The following IDE variants were observed in gnomAD, a reference collection of about 807,000 sequenced individuals.
The protein encoded by IDE is insulin degrading enzyme.
Under a neutral mutation model 133.2 loss-of-function variants are expected in IDE, and 58 were observed. The observed-to-expected ratio is 0.44, with a 90% CI of 0.35 to 0.54. The LOEUF (loss-of-function observed/expected upper bound fraction) is 0.54. Ranked by LOEUF, IDE falls within the 20% of genes least tolerant of loss-of-function variation. The pLI, the probability that IDE is intolerant of heterozygous loss-of-function variation, is 0.00. For missense variants in IDE, 981 were observed against 1,234.0 expected, an observed-to-expected ratio of 0.79 and a Z score of 3.07; for synonymous variants, 396 against 421.3, an observed-to-expected ratio of 0.94 and a Z score of 0.73.
intron 14 of IDE, among the ~76,000 whole-genome samples, chr10:92,482,813 CTT>C (rs951457439): frequency 6.8e-6 from 1 of 147,068 alleles, no homozygotes; most frequent in Non-Finnish European, 1.5e-5. Context: ...TTTTTCTTTT[CTT>C]TTTTTTTTGA....
intron 24 of IDE, 22 bp from the exon 25 acceptor site, chr10:92,454,561 T>C: frequency 1.3e-6 from 2 of 1,564,874 alleles, no homozygotes; most frequent in Non-Finnish European, 1.8e-6. Context: ...AAAGTTTCCT[T>C]TTAGTGTATT....
In IDE at chr10:92,455,596, G is replaced by T. The variant is rs188614842; in HGVS notation, c.2944C>A (p.Gln982Lys). Residue 982 changes from glutamine to lysine, a missense_variant, in exon 24 of 25, where the codon CAA becomes AAA. By Grantham distance (53) the Gln-to-Lys change is moderately conservative. Coordinates refer to ENST00000265986, the MANE Select transcript of IDE (RefSeq NM_004969.4). ...CTTACTTGTGGCAAGGCTGGTGCTT[G>T]TGACAAATTTATGTCATTTTGACAT... ...FPCQNDINLS[Q>K]APALPQPEVI... 8 of 1,598,876 alleles carry T rather than the reference G, an allele frequency of 5.0e-6. No individual in the cohort carries two copies. In the Middle Eastern group the frequency reaches 1.3e-3, roughly 268 times the overall value.
chr10:92,525,721 A>C (rs1849586057), intron 4 of IDE, among the ~76,000 whole-genome samples: 1 of 148,032 alleles, frequency 6.8e-6, no homozygotes, highest in Non-Finnish European at 1.5e-5. Flanking sequence ...CAAAATCAGT[A>C]GCATTTCTAT....
chr10:92,534,207 G>T (rs899862364), intron 3 of IDE, among the ~76,000 whole-genome samples: 3 of 152,190 alleles, frequency 2.0e-5, no homozygotes, highest in African/African-American at 7.2e-5. Context: ...TATCTACTAA[G>T]CATCCTTGAG....
rs150078715 is a variant in IDE at position 92,463,846 on chromosome 10, G to A, written c.2646C>T (p.Phe882=). 6.2e-7 allele frequency: 1 copy of A among 1,613,992 alleles called. No individual in the cohort carries two copies. The highest frequency in any genetic ancestry group is 8.5e-7 in the Non-Finnish European group (1 of 1,180,026). The change falls in exon 21 of 25, where the codon TTC becomes TTT. Residue 882 remains phenylalanine, a synonymous_variant. Transcript: ENST00000265986. The part of the protein sequence containing the change: ...KSIEDMTEEA[F]QKHIQALAIR... Reference sequence around the variant, plus strand: ...TTGCTAATGCCTGAATGTGTTTTTGGAAGGCCTCTTCTGTCATGTCCTCTA... The same window carrying A: ...TTGCTAATGCCTGAATGTGTTTTTGAAAGGCCTCTTCTGTCATGTCCTCTA...
intron 1 of IDE, chr10:92,572,963 C>T: frequency 1.0e-6 from 1 of 985,376 alleles, no homozygotes; most frequent in African/African-American, 1.7e-5. Flanking sequence ...CCAATCAAGT[C>T]AAAGTTCCTT....
intron 4 of IDE, among the ~76,000 whole-genome samples, chr10:92,524,344 A>G (rs186816898): frequency 0.042 from 1,465 of 34,686 alleles, 164 homozygotes; most frequent in African/African-American, 0.19. Context: ...ATATTATATT[A>G]TATATAATAT....
At chr10:92,512,456 C>T (rs1484688898) in intron 5 of IDE, among the ~76,000 whole-genome samples, 1 of 151,906 alleles carries the variant, frequency 6.6e-6, no homozygotes, top group Non-Finnish European at 1.5e-5. Flanking sequence ...AAACCAAGAA[C>T]ATTCTGAGGA....
At chr10:92,478,081 TA>T (rs1214096632) in intron 15 of IDE, among the ~76,000 whole-genome samples, 6 of 152,220 alleles carry the variant, frequency 3.9e-5, no homozygotes, top group African/African-American at 1.4e-4. Flanking sequence ...AAAGGGATGT[TA>T]ACTCGGAATT....
chr10:92,476,483 CT>C (rs1846259433), intron 15 of IDE, among the ~76,000 whole-genome samples: 3 of 151,752 alleles, frequency 2.0e-5, no homozygotes, highest in African/African-American at 4.8e-5. Context: ...CCTTAACCAT[CT>C]TTTTTAAAAA....
intron 1 of IDE, among the ~76,000 whole-genome samples, chr10:92,545,196 C>T (rs745392348): frequency 3.9e-5 from 6 of 152,054 alleles, no homozygotes; most frequent in African/African-American, 7.2e-5. Context: ...CCCACCAACA[C>T]GATGCCACTA....
chr10:92,473,523 A>G (rs1346842466), intron 17 of IDE, among the ~76,000 whole-genome samples: 2 of 152,022 alleles, frequency 1.3e-5, no homozygotes, highest in Non-Finnish European at 2.9e-5. Flanking sequence ...ACTCCTGAAA[A>G]TTAGACTTAA....
chr10:92,568,827 T>A (rs79915057), intron 1 of IDE, among the ~76,000 whole-genome samples: 13,451 of 145,846 alleles, frequency 0.092, 1,123 homozygotes, highest in African/African-American at 0.23. Flanking sequence ...AAAAAAAAAA[T>A]AATAATAATA....
At position 92,573,933 on chromosome 10, in the gene IDE, C is replaced by T. The variant is rs1843927682; in HGVS notation, c.87G>A (p.Glu29=). 2.0e-6 allele frequency: 3 copies of T among 1,467,398 alleles called. No homozygotes were observed. Among genetic ancestry groups the T allele is most frequent in the South Asian group, 1.4e-5 (1 of 73,332 alleles). The allele number at this position is 1,467,398 out of a possible 1,614,324, so 90.9% of individuals were successfully genotyped here. A position where few individuals can be genotyped will look rare whatever the true frequency, so the allele number is the denominator to read the frequency against. ...SVLGARLPPP[E]RLCGFQKKTY... ...TCCATTCCGCTTACCCACACAGGCGCTCCGGAGGCGGCAGGCGGGCGCCGA... is the reference window on the plus strand; with the variant it reads ...TCCATTCCGCTTACCCACACAGGCGTTCCGGAGGCGGCAGGCGGGCGCCGA... Residue 29 remains glutamate, a synonymous_variant, in exon 1 of 25, where the codon GAG becomes GAA. Transcript: ENST00000265986.
chr10:92,509,921 CAAAAAAAA>C, intron 6 of IDE, 121 bp downstream of exon 6: 1 of 334,330 alleles, frequency 3.0e-6, no homozygotes, highest in Non-Finnish European at 5.1e-6. Context: ...ACTCTGTTTC[CAAAAAAAA>C]AAAAAAAAAA....
chr10:92,536,186 C>G (rs1841992164), intron 2 of IDE, among the ~76,000 whole-genome samples: 1 of 151,616 alleles, frequency 6.6e-6, no homozygotes, highest in Admixed American at 6.6e-5. Flanking sequence ...AGTTCGAGAC[C>G]AGCCTGGCCA....
In IDE at chr10:92,531,747, C is replaced by T; in HGVS notation, c.661+1G>A. On this transcript the variant is annotated splice_donor_variant, in intron 4 of 24. Coordinates refer to ENST00000265986, the MANE Select transcript of IDE (RefSeq NM_004969.4). LOFTEE classifies it high-confidence loss of function. ...GTCAAGGAAAGCAGCTGTTGACAAA[C>T]CTGTCCCAAATTTACTGAAGGGGTG... 1 of 1,570,924 alleles carries T rather than the reference C, an allele frequency of 6.4e-7. No individual in the cohort carries two copies. The highest frequency in any genetic ancestry group is 1.7e-5 in the Admixed American group (1 of 57,684).
At chr10:92,563,749 G>A (rs923817651) in intron 1 of IDE, among the ~76,000 whole-genome samples, 5 of 149,924 alleles carry the variant, frequency 3.3e-5, no homozygotes, top group African/African-American at 1.2e-4. Context: ...GCAAGACTCC[G>A]TCTCAAAAAA....
chr10:92,470,677 A>G (rs902718128), intron 17 of IDE, among the ~76,000 whole-genome samples: 3 of 151,966 alleles, frequency 2.0e-5, no homozygotes, highest in Non-Finnish European at 1.5e-5. Flanking sequence ...CAGTCCTTCC[A>G]TATATTTCAT....
Sources: gnomAD v4.1 joint callset for allele counts (sites outside exome capture counted in the v4.1 genomes callset) on GRCh38, gnomAD v4.1.1 for gene constraint, MANE v1.5 for transcripts, NCBI Gene and HGNC (gene_info 2026-07-23, HGNC 2026-07-21) for gene names.